MYBPC3: variants seen among roughly 807,000 people sequenced by gnomAD.
The protein encoded by MYBPC3 is myosin-binding protein C, cardiac-type.
Under a neutral mutation model 159.3 loss-of-function variants are expected in MYBPC3, and 108 were observed. The observed-to-expected ratio is 0.68, with a 90% confidence interval of 0.58 to 0.80. The LOEUF is 0.80. MYBPC3 is among the 30% of genes least tolerant of loss of function. MYBPC3 has a pLI of 0.00. For missense variants in MYBPC3, 1,631 were observed against 1,762.1 expected (o/e 0.93, Z 1.33); for synonymous variants, 730 against 702.0 (o/e 1.04, Z -0.63).
chr11:47,347,159 T>C, intron 9 of MYBPC3, 130 bp from the exon 10 acceptor site: 1 of 1,434,128 alleles, frequency 7.0e-7, no homozygotes, highest in East Asian at 2.5e-5. Flanking sequence ...CTGTTCCTTC[T>C]GGGTCCCCGG....
At chr11:47,335,831 G>A (rs947351442) in intron 26 of MYBPC3, 46 bp downstream of exon 26, 12 of 1,353,090 alleles carry the variant, frequency 8.9e-6, no homozygotes, top group Non-Finnish European at 1.2e-5. Context: ...GGCAAGGTGA[G>A]CATGTTCTTC....
chr11:47,341,925 C>T (rs2095888995), intron 18 of MYBPC3, 66 bp downstream of exon 18: 1 of 1,535,580 alleles, frequency 6.5e-7, no homozygotes, highest in Non-Finnish European at 8.8e-7. Context: ...CTCTGTTTCT[C>T]CCTGTGTCTC....
chr11:47,350,466 C>A (rs1337248590), intron 3 of MYBPC3, 36 bp downstream of exon 3: 25 of 1,543,704 alleles, frequency 1.6e-5, no homozygotes, highest in Non-Finnish European at 1.9e-5. Context: ...ACGCCCTACC[C>A]ACGGATCCTG....
intron 20 of MYBPC3, among the ~76,000 whole-genome samples, chr11:47,340,508 C>CA (rs1015152643): frequency 2.0e-5 from 3 of 152,032 alleles, no homozygotes; most frequent in African/African-American, 7.2e-5. Flanking sequence ...ACTAAAAATA[C>CA]AAAAAATAAT....
chr11:47,332,111 G>A lies in MYBPC3; in HGVS notation c.3775C>T (p.Gln1259Ter), dbSNP rs730880605. The A allele has an allele frequency of 6.2e-7, 1 of 1,613,476 alleles. No homozygotes were observed. The highest frequency in any genetic ancestry group is 1.1e-5 in the South Asian group (1 of 91,088). Reference sequence around the variant, plus strand: ...CGGCACTCACACCGTGCCTCGCCCTGTAAGTTGGTGGCCCTGCAGACATAG... The same window carrying A: ...CGGCACTCACACCGTGCCTCGCCCTATAAGTTGGTGGCCCTGCAGACATAG... ...GIYVCRATNL[Q>*]GEARCECRLE... Residue 1259 changes from glutamine (Q) to a stop codon, truncating the protein, a stop_gained, in exon 33 of 35, where the codon CAG (glutamine) becomes TAG (stop). Coordinates refer to ENST00000545968, the MANE Select transcript of MYBPC3 (RefSeq NM_000256.3). LOFTEE classifies it high-confidence loss of function. This position sits in a 1 kb window ranked among gnomAD's most constrained non-coding sequence, Gnocchi z 4.2.
intron 23 of MYBPC3, 108 bp from the exon 24 acceptor site, chr11:47,337,902 AC>A (rs2095884149): frequency 3.4e-6 from 2 of 595,328 alleles, no homozygotes; most frequent in Non-Finnish European, 5.1e-6. Flanking sequence ...TGCCCCCACC[AC>A]CCCCAGATCC....
rs1028014704 is a variant in MYBPC3, at chr11:47,339,599, G to C, written c.2067+52C>G. ...TGCAGCAGGTCCTAGCACTTGGCTG[G>C]TTCCACACACCCATCTTATAGATGG... On this transcript the variant is annotated intron_variant, in intron 21 of 34. Coordinates refer to ENST00000545968, the MANE Select transcript of MYBPC3 (RefSeq NM_000256.3). The C allele has an allele frequency of 9.8e-6, 15 of 1,522,960 alleles. No individual in the cohort carries two copies. The African/African-American group carries it at 1.4e-4, about 14-fold the overall frequency. 94.3% of individuals were successfully genotyped at this position (1,522,960 alleles called of 1,614,324 possible). A position where few individuals can be genotyped will look rare whatever the true frequency, so the allele number is the denominator to read the frequency against.
rs776652029 is a variant in MYBPC3 at position 47,346,180 on chromosome 11, T to C, written c.1090+27A>G. On this transcript the variant is annotated intron_variant, in intron 12 of 34. Transcript: ENST00000545968. This position sits in a 1 kb window ranked among gnomAD's most constrained non-coding sequence, Gnocchi z 5.3. The stretch of plus-strand genomic sequence containing the variant: ...TAGGGAAGGGCTAGCCTGTGCCCTC[T>C]CCTCTCCCCTCTGAGGAAGGGCTAA... The C allele has an allele frequency of 2.2e-5, 35 of 1,612,960 alleles. No individual in the cohort carries two copies. Among genetic ancestry groups the C allele is most frequent in the Non-Finnish European group, 2.7e-5 (32 of 1,179,676 alleles).
chr11:47,335,932 C>A lies in MYBPC3; in HGVS notation c.2682G>T (p.Glu894Asp), dbSNP rs369289966. 4.5e-6 allele frequency: 7 copies of A among 1,558,688 alleles called. No homozygotes were observed. Among genetic ancestry groups the A allele is most frequent in the Non-Finnish European group, 6.1e-6 (7 of 1,152,510 alleles). ...TTVSLKWRPPERVGAGGLDGY... is the reference protein window; with the variant it reads ...TTVSLKWRPPDRVGAGGLDGY... ...CATCCAGGCCTCCTGCTCCCACGCGCTCTGGGGGCCGCCACTTGAGGGAGA... is the reference window on the plus strand; with the variant it reads ...CATCCAGGCCTCCTGCTCCCACGCGATCTGGGGGCCGCCACTTGAGGGAGA... Residue 894 changes from glutamate to aspartate, a missense_variant, in exon 26 of 35, where the codon GAG (glutamate) becomes GAT (aspartate). Glu to Asp is a conservative substitution (Grantham distance 45). Coordinates refer to ENST00000545968, the MANE Select transcript of MYBPC3 (RefSeq NM_000256.3).
rs371789899 is a variant in MYBPC3 at position 47,331,829 on chromosome 11, G to C, written c.*26+16C>G. On this transcript the variant is annotated intron_variant, in intron 34 of 34. Coordinates refer to ENST00000545968, the MANE Select transcript of MYBPC3 (RefSeq NM_000256.3). Reference sequence around the variant, plus strand: ...TCAGCCACTGACTTGTGCCCTGGGTGTCGGGTGGTACATACCTGGCCATCC... The same window carrying C: ...TCAGCCACTGACTTGTGCCCTGGGTCTCGGGTGGTACATACCTGGCCATCC... 4.8e-4 allele frequency: 766 copies of C among 1,597,830 alleles called. No individual in the cohort carries two copies. Among genetic ancestry groups the C allele is most frequent in the Non-Finnish European group, 6.3e-4 (736 of 1,172,724 alleles).
At position 47,350,585 on chromosome 11, in the gene MYBPC3, G is replaced by A. The variant is rs772678776; in HGVS notation, c.323C>T (p.Pro108Leu). Residue 108 changes from proline to leucine, a missense_variant, in exon 3 of 35, where the codon CCT becomes CTT. By Grantham distance (98) the Pro-to-Leu change is moderately conservative (BLOSUM62 -3). Transcript: ENST00000545968. ...GGCTCCAGTGGCCTCAGCAGGGGCA[G>A]GGGCAGGGGCCAGCATGGGCTCTGC... ...EKAEPMLAPA[P>L]APAEATGAPG... is the part of the protein sequence containing the mutation. 7.9e-6 allele frequency: 12 copies of A among 1,524,316 alleles called. No individual in the cohort carries two copies. Among genetic ancestry groups the A allele is most frequent in the South Asian group, 7.6e-5 (6 of 78,622 alleles). The allele number at this position is 1,524,316 out of a possible 1,614,324, so 94.4% of individuals were successfully genotyped here. A position where few individuals can be genotyped will look rare whatever the true frequency, so the allele number is the denominator to read the frequency against.
In MYBPC3 at chr11:47,332,412, A is replaced by G. The variant is rs1289723287; in HGVS notation, c.3627+154T>C. 2.0e-5 allele frequency among the ~76,000 whole-genome samples: 3 copies of G among 152,190 alleles called. No individual in the cohort carries two copies. Among genetic ancestry groups the G allele is most frequent in the Non-Finnish European group, 4.4e-5 (3 of 68,030 alleles). On this transcript the variant is annotated intron_variant, in intron 32 of 34. Transcript: ENST00000545968. This position sits in a 1 kb window ranked among gnomAD's most constrained non-coding sequence, Gnocchi z 4.2. Reference sequence around the variant, plus strand: ...GGAAACAAACATGGAACCAAGAGTGAGTACCATGGCCCTGCCCAGGGGGAG... The same window carrying G: ...GGAAACAAACATGGAACCAAGAGTGGGTACCATGGCCCTGCCCAGGGGGAG...
Position 47,346,898 on chromosome 11 carries a change from C to T in MYBPC3, c.908+129G>A, listed in dbSNP as rs2095894868. On this transcript the variant is annotated intron_variant, in intron 10 of 34. Transcript: ENST00000545968. The surrounding 1 kb of genome is among the most constrained non-coding windows in gnomAD (Gnocchi z 5.3). ...AGGAGAAGCCCAAGGCACAGAGACT[C>T]ACCCCTGTCCGTGGGGAGCCGCACC... 2 of 726,148 alleles carry T rather than the reference C, an allele frequency of 2.8e-6. No homozygotes were observed. The highest frequency in any genetic ancestry group is 2.5e-6 in the Non-Finnish European group (1 of 400,214). 45.0% of individuals were successfully genotyped at this position (726,148 alleles called of 1,614,324 possible).
Position 47,332,809 on chromosome 11 carries a change from A to G in MYBPC3, c.3490+5T>C. The G allele has an allele frequency of 3.1e-6, 5 of 1,603,648 alleles. No homozygotes were observed. Among genetic ancestry groups the G allele is most frequent in the Non-Finnish European group, 4.3e-6 (5 of 1,175,074 alleles). On this transcript the variant is annotated splice_donor_5th_base_variant and intron_variant, in intron 31 of 34. Coordinates refer to ENST00000545968, the MANE Select transcript of MYBPC3 (RefSeq NM_000256.3). The surrounding 1 kb of genome is among the most constrained non-coding windows in gnomAD (Gnocchi z 4.2). ...CCCCTGGTTGGAAGAATGAGGGTAC[A>G]GCACCTGGTCTGGGGATAAAGACGG...
Position 47,338,775 on chromosome 11 carries a change from G to T in MYBPC3, c.2149-96C>A. Reference sequence around the variant, plus strand: ...CAGATGTCCCGGGGGTCCATGGGGGGAACACAGCCTGTGGGAAGACTGCAT... The same window carrying T: ...CAGATGTCCCGGGGGTCCATGGGGGTAACACAGCCTGTGGGAAGACTGCAT... On this transcript the variant is annotated intron_variant, in intron 22 of 34. Coordinates refer to ENST00000545968, the MANE Select transcript of MYBPC3 (RefSeq NM_000256.3). This position sits in a 1 kb window ranked among gnomAD's most constrained non-coding sequence, Gnocchi z 4.7. 1 of 1,374,816 alleles carries T rather than the reference G, an allele frequency of 7.3e-7. No homozygotes were observed. Among genetic ancestry groups the T allele is most frequent in the Non-Finnish European group, 9.7e-7 (1 of 1,029,228 alleles). The allele number at this position is 1,374,816 out of a possible 1,614,324, so 85.2% of individuals were successfully genotyped here.
chr11:47,342,272 G>A (rs999147197), intron 17 of MYBPC3, 116 bp from the exon 18 acceptor site: 92 of 1,333,308 alleles, frequency 6.9e-5, no homozygotes, highest in Non-Finnish European at 8.4e-5. Context: ...GTGCATGTGG[G>A]CATGTGAAAA....
In MYBPC3 at chr11:47,339,249, C is replaced by T. The variant is rs905918251; in HGVS notation, c.2148+75G>A. On this transcript the variant is annotated intron_variant, in intron 22 of 34. Transcript: ENST00000545968. ...GTGTGGCACCTCCATGGAGACCTCGCCAAGGGCTCGGCACCACGTAGGTAG... is the reference window on the plus strand; with the variant it reads ...GTGTGGCACCTCCATGGAGACCTCGTCAAGGGCTCGGCACCACGTAGGTAG... The T allele has an allele frequency of 1.4e-5, 22 of 1,548,836 alleles. No homozygotes were observed. In the African/African-American group the frequency reaches 2.6e-4, roughly 18 times the overall value.
intron 20 of MYBPC3, among the ~76,000 whole-genome samples, chr11:47,340,479 A>C (rs960234758): frequency 1.3e-5 from 2 of 152,204 alleles, no homozygotes; most frequent in African/African-American, 4.8e-5. Context: ...CCTGGCTAAC[A>C]TGGTGAAACC....
chr11:47,339,323 C>T lies in MYBPC3; in HGVS notation c.2148+1G>A, dbSNP rs1060499604. On this transcript the variant is annotated splice_donor_variant, in intron 22 of 34. Coordinates refer to ENST00000545968, the MANE Select transcript of MYBPC3 (RefSeq NM_000256.3). LOFTEE classifies it high-confidence loss of function. ...CTCCTCCTGACCTCAGTCTCACTCA[C>T]CTTCTTGTCAAACACCCACTCATCG... The T allele has an allele frequency of 1.2e-6, 2 of 1,614,056 alleles. No homozygotes were observed. The highest frequency in any genetic ancestry group is 2.2e-5 in the South Asian group (2 of 91,088).
Sources: allele counts gnomAD v4.1 joint callset (sites outside exome capture counted in the v4.1 genomes callset), GRCh38; gene constraint gnomAD v4.1.1; non-coding constraint Gnocchi (gnomAD v3.1); transcripts MANE v1.5; gene names NCBI Gene and HGNC (gene_info 2026-07-23, HGNC 2026-07-21).